AKAP6: variants seen among roughly 807,000 people sequenced by gnomAD.
AKAP6 encodes A-kinase anchor protein 6.
AKAP6 carries 58 observed loss-of-function variants against 188.5 expected under a neutral mutation model. The ratio of observed to expected loss-of-function variants is 0.31; its 90% CI spans 0.25 to 0.38. The LOEUF (loss-of-function observed/expected upper bound fraction) is 0.38, where lower values mean the gene tolerates loss of function less well. Ranked by LOEUF, AKAP6 falls within the 10% of genes least tolerant of loss-of-function variation. The pLI, the probability that AKAP6 is intolerant of heterozygous loss-of-function variation, is 1.00. For synonymous variants in AKAP6, 989 were observed against 998.6 expected, an observed-to-expected ratio of 0.99 and a Z score of 0.18; for missense variants, 2,710 against 2,740.0, an observed-to-expected ratio of 0.99 and a Z score of 0.24.
intron 1 of AKAP6, among the ~76,000 whole-genome samples, chr14:32,412,200 TAA>T (rs1275178617): frequency 5.9e-5 from 9 of 152,350 alleles, no homozygotes; most frequent in Non-Finnish European, 8.8e-5. Flanking sequence ...CTGATTTATA[TAA>T]AGACTTTATT....
At chr14:32,372,007 T>A (rs1466160860) in intron 1 of AKAP6, among the ~76,000 whole-genome samples, 2 of 152,154 alleles carry the variant, frequency 1.3e-5, no homozygotes, top group Non-Finnish European at 2.9e-5. Context: ...CTCTTTTTTT[T>A]TCCCTACACA....
chr14:32,419,030 G>A lies in AKAP6; in HGVS notation c.-34-14430G>A, dbSNP rs1889752782. ...CTTGAAGCAATTCATACTTTATCAA[G>A]CATTCACCTTCAATTTAGGTGGCTA... is the stretch of plus-strand genomic sequence containing the variant. On this transcript the variant is annotated intron_variant, in intron 1 of 13. Coordinates refer to ENST00000280979, the MANE Select transcript of AKAP6 (RefSeq NM_004274.5). Among the ~76,000 whole-genome samples the A allele has an allele frequency of 2.6e-5, 4 of 152,076 alleles. No homozygotes were observed. In the South Asian group the frequency reaches 8.3e-4, roughly 31 times the overall value.
At position 32,835,653 on chromosome 14, in the gene AKAP6, C is replaced by G. The variant is rs529904035; in HGVS notation, c.*5848C>G. The stretch of plus-strand genomic sequence containing the variant: ...TATTGTATATAGTACACCTTCAGTT[C>G]CCAACTGCTGAATTTACCAAGGAAT... On this transcript the variant is annotated 3_prime_UTR_variant, in exon 14 of 14. Coordinates refer to ENST00000280979, the MANE Select transcript of AKAP6 (RefSeq NM_004274.5). 7.2e-5 allele frequency: 11 copies of G among 152,260 alleles called. No individual in the cohort carries two copies. The South Asian group carries it at 2.3e-3, about 32-fold the overall frequency. 9.4% of individuals were successfully genotyped at this position (152,260 alleles called of 1,614,324 possible).
intron 2 of AKAP6, among the ~76,000 whole-genome samples, chr14:32,440,553 A>G (rs1278254140): frequency 6.6e-6 from 1 of 152,188 alleles, no homozygotes; most frequent in African/African-American, 2.4e-5. Flanking sequence ...AATCAACGCC[A>G]TAACAGTTTG....
At chr14:32,644,869 T>G (rs1196306313) in intron 7 of AKAP6, among the ~76,000 whole-genome samples, 2 of 152,174 alleles carry the variant, frequency 1.3e-5, no homozygotes, top group Non-Finnish European at 2.9e-5. Flanking sequence ...CCTTCAGTCT[T>G]TGTCAGGATA....
chr14:32,436,498 C>T (rs1272161023), intron 2 of AKAP6, among the ~76,000 whole-genome samples: 2 of 152,328 alleles, frequency 1.3e-5, no homozygotes, highest in East Asian at 3.9e-4. Context: ...TAAAGTTACT[C>T]TCTTCTCTCC....
intron 9 of AKAP6, among the ~76,000 whole-genome samples, chr14:32,722,446 G>A (rs1380154700): frequency 6.6e-6 from 1 of 152,076 alleles, no homozygotes; most frequent in African/African-American, 2.4e-5. Context: ...CCCTGGCAAG[G>A]GCTCCACCTT....
At chr14:32,364,393 G>A (rs1887761112) in intron 1 of AKAP6, among the ~76,000 whole-genome samples, 1 of 152,096 alleles carries the variant, frequency 6.6e-6, no homozygotes, top group South Asian at 2.1e-4. Flanking sequence ...TGCTGCTGAT[G>A]GGCAGGGGCA....
At chr14:32,797,002 T>C (rs887810682) in intron 12 of AKAP6, among the ~76,000 whole-genome samples, 5 of 152,098 alleles carry the variant, frequency 3.3e-5, no homozygotes, top group African/African-American at 1.2e-4. Context: ...TCAAAAGACA[T>C]ACATGCAGTG....
intron 7 of AKAP6, among the ~76,000 whole-genome samples, chr14:32,648,287 G>A (rs1403229596): frequency 6.6e-6 from 1 of 152,096 alleles, no homozygotes; most frequent in Non-Finnish European, 1.5e-5. Context: ...GTAATATTCT[G>A]TTTCTATTGG....
At chr14:32,383,993 T>C (rs1365542959) in intron 1 of AKAP6, among the ~76,000 whole-genome samples, 2 of 152,214 alleles carry the variant, frequency 1.3e-5, no homozygotes, top group African/African-American at 2.4e-5. Context: ...CCATTGTGCA[T>C]GTAAGTGACC....
intron 7 of AKAP6, among the ~76,000 whole-genome samples, chr14:32,620,098 A>T (rs1297585786): frequency 6.6e-6 from 1 of 151,894 alleles, no homozygotes; most frequent in Non-Finnish European, 1.5e-5. Context: ...CTTTATGATC[A>T]AAACGTTGGC....
chr14:32,552,902 G>T (rs899183448), intron 4 of AKAP6, among the ~76,000 whole-genome samples: 4 of 152,104 alleles, frequency 2.6e-5, no homozygotes, highest in Non-Finnish European at 4.4e-5. Context: ...AATATATCCT[G>T]CTTCTAATTC....
Position 32,806,180 on chromosome 14 carries a change from T to C in AKAP6, c.3589-15222T>C, listed in dbSNP as rs1192873795. Among the ~76,000 whole-genome samples, 5 of 152,174 alleles carry C rather than the reference T, an allele frequency of 3.3e-5. No homozygotes were observed. The East Asian group carries it at 9.6e-4, about 29-fold the overall frequency. On this transcript the variant is annotated intron_variant, in intron 12 of 13. Coordinates refer to ENST00000280979, the MANE Select transcript of AKAP6 (RefSeq NM_004274.5). ...GTTCTGGGATTTGCCTACACAGAAATAGAACGGGACATGAGCTTCACACCC... is the reference window on the plus strand; with the variant it reads ...GTTCTGGGATTTGCCTACACAGAAACAGAACGGGACATGAGCTTCACACCC...
intron 1 of AKAP6, among the ~76,000 whole-genome samples, chr14:32,382,584 G>A (rs1430738172): frequency 6.6e-6 from 1 of 152,146 alleles, no homozygotes; most frequent in South Asian, 2.1e-4. Flanking sequence ...AATTTGTTGA[G>A]TGCTTTGTGC....
At chr14:32,330,606 G>C (rs1221014784) in intron 1 of AKAP6, among the ~76,000 whole-genome samples, 5 of 150,846 alleles carry the variant, frequency 3.3e-5, no homozygotes, top group African/African-American at 9.7e-5. Context: ...AGTCTTACAC[G>C]AAAGAATGGC....
At position 32,794,858 on chromosome 14, in the gene AKAP6, A is replaced by AT. The variant is rs541473361; in HGVS notation, c.3588+20974dup. On this transcript the variant is annotated intron_variant, in intron 12 of 13. Transcript: ENST00000280979. Reference sequence around the variant, plus strand: ...CAAAAAATCAGTGAATCCAAGAGCTATTTTTTTTTAAATTAACAAAAGAGA... The same window carrying AT: ...CAAAAAATCAGTGAATCCAAGAGCTATTTTTTTTTTAAATTAACAAAAGAGA... Among the ~76,000 whole-genome samples the AT allele has an allele frequency of 1.9e-4, 29 of 151,356 alleles. No homozygotes were observed. In the South Asian group the frequency reaches 3.8e-3, roughly 20 times the overall value.
chr14:32,825,049 A>G (rs2034641306), intron 13 of AKAP6, among the ~76,000 whole-genome samples: 1 of 152,214 alleles, frequency 6.6e-6, no homozygotes, highest in South Asian at 2.1e-4. Context: ...TAATTCTGGC[A>G]AGAATACAAA....
intron 5 of AKAP6, among the ~76,000 whole-genome samples, chr14:32,588,540 G>T (rs186648709): frequency 6.6e-6 from 1 of 152,294 alleles, no homozygotes; most frequent in East Asian, 1.9e-4. Flanking sequence ...GTTTGTGTGT[G>T]TATGAGTTTT....
Sources: gnomAD v4.1 joint callset for allele counts (sites outside exome capture counted in the v4.1 genomes callset) on GRCh38, gnomAD v4.1.1 for gene constraint, MANE v1.5 for transcripts, NCBI Gene and HGNC (gene_info 2026-07-23, HGNC 2026-07-21) for gene names.